The following NOS1AP variants were observed in gnomAD, a reference collection of about 807,000 sequenced individuals.
NOS1AP encodes nitric oxide synthase 1 adaptor protein.
In NOS1AP, 21 loss-of-function variants were observed where a neutral mutation model predicts 56.2. The ratio of observed to expected loss-of-function variants is 0.37; its 90% CI spans 0.26 to 0.54. NOS1AP has a LOEUF of 0.54. NOS1AP is among the 20% of genes least tolerant of loss of function. NOS1AP has a pLI of 0.84. For synonymous variants in NOS1AP, 270 were observed against 274.6 expected, an observed-to-expected ratio of 0.98 and a Z score of 0.17; for missense variants, 522 against 657.8, an observed-to-expected ratio of 0.79 and a Z score of 2.26.
rs1252215863 is a variant in NOS1AP at position 162,327,239 on chromosome 1, A to G, written c.345-5778A>G. 2.6e-5 allele frequency among the ~76,000 whole-genome samples: 4 copies of G among 152,266 alleles called. No individual in the cohort carries two copies. The East Asian group carries it at 7.7e-4, about 29-fold the overall frequency. On this transcript the variant is annotated intron_variant, in intron 4 of 9. Coordinates refer to ENST00000361897, the MANE Select transcript of NOS1AP (RefSeq NM_014697.3). ...TGATCTTCAAATTAGAAACACTAGA[A>G]CATATGTAATTTTAAAAAACCGAAG...
At chr1:162,366,145 G>T (rs1658078067) in intron 9 of NOS1AP, among the ~76,000 whole-genome samples, 1 of 152,186 alleles carries the variant, frequency 6.6e-6, no homozygotes, top group East Asian at 1.9e-4. Flanking sequence ...TCTACACTCA[G>T]TACCCCTGGG....
At chr1:162,127,812 A>G (rs1571039145) in intron 1 of NOS1AP, among the ~76,000 whole-genome samples, 1 of 152,154 alleles carries the variant, frequency 6.6e-6, no homozygotes, top group African/African-American at 2.4e-5. Flanking sequence ...TGATCCAGTC[A>G]CCTGTCACCA....
rs147223525 is a variant in NOS1AP, at chr1:162,259,185, G to C, written c.178-28159G>C. On this transcript the variant is annotated intron_variant, in intron 2 of 9. Coordinates refer to ENST00000361897, the MANE Select transcript of NOS1AP (RefSeq NM_014697.3). Reference sequence around the variant, plus strand: ...TTGTACTCTCATCTTTTGTGAGTTAGATTGCTTTGGTTGACTGATTTGAAC... The same window carrying C: ...TTGTACTCTCATCTTTTGTGAGTTACATTGCTTTGGTTGACTGATTTGAAC... 9.2e-5 allele frequency among the ~76,000 whole-genome samples: 14 copies of C among 152,292 alleles called. No homozygotes were observed. In the East Asian group the frequency reaches 2.5e-3, roughly 27 times the overall value.
At chr1:162,117,396 C>T (rs369141527) in intron 1 of NOS1AP, among the ~76,000 whole-genome samples, 26 of 152,254 alleles carry the variant, frequency 1.7e-4, no homozygotes, top group African/African-American at 6.3e-4. Flanking sequence ...TGAATTCTTG[C>T]CAGACAATTT....
chr1:162,176,507 T>C (rs1651065726), intron 2 of NOS1AP, among the ~76,000 whole-genome samples: 1 of 48,150 alleles, frequency 2.1e-5, no homozygotes, highest in African/African-American at 2.0e-4. Context: ...TAATAGCTCT[T>C]TTTTTTTTTT....
chr1:162,157,786 C>A (rs923192174), intron 2 of NOS1AP, among the ~76,000 whole-genome samples: 9 of 152,188 alleles, frequency 5.9e-5, no homozygotes, highest in Non-Finnish European at 8.8e-5. Context: ...CCCATTCATT[C>A]TTTGAGCTGG....
intron 4 of NOS1AP, among the ~76,000 whole-genome samples, chr1:162,330,907 G>C (rs1253614929): frequency 6.6e-6 from 1 of 152,192 alleles, no homozygotes. Context: ...GGCTATTGGG[G>C]AACAATGGAG....
At chr1:162,191,678 A>ATAT (rs1299557612) in intron 2 of NOS1AP, among the ~76,000 whole-genome samples, 1 of 152,134 alleles carries the variant, frequency 6.6e-6, no homozygotes, top group Admixed American at 6.5e-5. Flanking sequence ...TTCCTCCCCC[A>ATAT]TTGATAAGGC....
At chr1:162,098,029 CTCTTCATTTATTTAGG>C (rs1290564734) in intron 1 of NOS1AP, among the ~76,000 whole-genome samples, 1 of 147,738 alleles carries the variant, frequency 6.8e-6, no homozygotes, top group Non-Finnish European at 1.5e-5. Context: ...ATGGCTTTAT[CTCTTCATTTATTTAGG>C]TCTTCATTAA....
intron 8 of NOS1AP, chr1:162,365,179 C>T: frequency 7.0e-7 from 1 of 1,432,690 alleles, no homozygotes; most frequent in Admixed American, 2.8e-5. Flanking sequence ...TGCATCATGG[C>T]CCTCCCTTAG....
chr1:162,098,899 T>C (rs1341248928), intron 1 of NOS1AP, among the ~76,000 whole-genome samples: 1 of 152,240 alleles, frequency 6.6e-6, no homozygotes, highest in Non-Finnish European at 1.5e-5. Flanking sequence ...ACATTTTCTT[T>C]ATCCAGTGTA....
chr1:162,126,604 G>A (rs1648501634), intron 1 of NOS1AP, among the ~76,000 whole-genome samples: 1 of 151,588 alleles, frequency 6.6e-6, no homozygotes, highest in African/African-American at 2.4e-5. Context: ...CAAGTATATG[G>A]AATGCTTTCT....
At chr1:162,133,257 G>A (rs1357036572) in intron 1 of NOS1AP, among the ~76,000 whole-genome samples, 6 of 152,222 alleles carry the variant, frequency 3.9e-5, no homozygotes, top group African/African-American at 1.4e-4. Flanking sequence ...TAGATGCACT[G>A]TGTTGGTAAT....
intron 1 of NOS1AP, among the ~76,000 whole-genome samples, chr1:162,132,662 T>A (rs1648802603): frequency 6.6e-6 from 1 of 152,184 alleles, no homozygotes; most frequent in South Asian, 2.1e-4. Flanking sequence ...GTAAACTTGG[T>A]TTGAAACTGT....
chr1:162,144,933 T>G (rs1649396633), intron 1 of NOS1AP, among the ~76,000 whole-genome samples: 2 of 152,210 alleles, frequency 1.3e-5, no homozygotes, highest in African/African-American at 4.8e-5. Context: ...TCGTTCTGTC[T>G]TACCCTCTGT....
intron 1 of NOS1AP, among the ~76,000 whole-genome samples, chr1:162,150,588 C>T (rs749897754): frequency 1.2e-4 from 18 of 152,218 alleles, no homozygotes; most frequent in South Asian, 4.1e-4. Context: ...TGATAGTATA[C>T]GAGGGTTCTT....
At chr1:162,162,931 GA>G (rs532083797) in intron 2 of NOS1AP, among the ~76,000 whole-genome samples, 72 of 152,098 alleles carry the variant, frequency 4.7e-4, no homozygotes, top group African/African-American at 1.7e-3. Context: ...ACCCCAAAAA[GA>G]AACTCTATAC....
intron 1 of NOS1AP, among the ~76,000 whole-genome samples, chr1:162,119,607 G>A (rs954173453): frequency 6.6e-6 from 1 of 152,154 alleles, no homozygotes; most frequent in Admixed American, 6.5e-5. Context: ...GGTTCAGTCA[G>A]TTTAAGAGAA....
At chr1:162,298,092 C>A (rs1008421020) in intron 3 of NOS1AP, among the ~76,000 whole-genome samples, 9 of 152,250 alleles carry the variant, frequency 5.9e-5, no homozygotes, top group African/African-American at 1.9e-4. Flanking sequence ...TCTCTTCCAG[C>A]CAAACAATTC....
Sources: allele counts gnomAD v4.1 joint callset (sites outside exome capture counted in the v4.1 genomes callset), GRCh38; gene constraint gnomAD v4.1.1; transcripts MANE v1.5; gene names NCBI Gene and HGNC (gene_info 2026-07-23, HGNC 2026-07-21).